The following WDR27 variants were observed in gnomAD, a reference collection of about 807,000 sequenced individuals.
The protein encoded by WDR27 is WD repeat domain 27, also known as WD repeat-containing protein 27.
Under a neutral mutation model 114.4 loss-of-function variants are expected in WDR27, and 100 were observed. The ratio of observed to expected loss-of-function variants is 0.87; its 90% CI spans 0.74 to 1.03. WDR27 has a LOEUF of 1.03. Among genes scored for constraint, WDR27 ranks in the 50% least tolerant of loss-of-function variants. The pLI, the probability that WDR27 is intolerant of heterozygous loss-of-function variation, is 0.00. For synonymous variants in WDR27, 449 were observed against 423.1 expected (o/e 1.06, Z -0.75); for missense variants, 1,129 against 1,092.9 (o/e 1.03, Z -0.47).
chr6:169,439,876 T>G, the WDR27 span, among the ~76,000 whole-genome samples: 1 of 146,830 alleles, frequency 6.8e-6, no homozygotes, highest in Non-Finnish European at 1.5e-5. Flanking sequence ...ATTATATTGG[T>G]AGTTATATTA....
chr6:169,446,585 T>C, the WDR27 span, among the ~76,000 whole-genome samples: 2 of 152,216 alleles, frequency 1.3e-5, no homozygotes, highest in African/African-American at 4.8e-5. Context: ...TTTTATGTTA[T>C]GTAATCGTGA....
At chr6:169,476,949 T>C (rs1269092594) in intron 25 of WDR27, among the ~76,000 whole-genome samples, 1 of 152,246 alleles carries the variant, frequency 6.6e-6, no homozygotes, top group East Asian at 1.9e-4. Flanking sequence ...ATCTCCAGTA[T>C]TGTGTCAAAA....
intron 25 of WDR27, among the ~76,000 whole-genome samples, chr6:169,486,232 C>T (rs759025472): frequency 6.6e-6 from 1 of 151,824 alleles, no homozygotes; most frequent in Non-Finnish European, 1.5e-5. Flanking sequence ...CTCATACATT[C>T]TTGGTGGGAA....
intron 19 of WDR27, among the ~76,000 whole-genome samples, chr6:169,635,092 G>A (rs1386269767): frequency 6.6e-6 from 1 of 152,116 alleles, no homozygotes; most frequent in Non-Finnish European, 1.5e-5. Context: ...TTTAGGCCAG[G>A]TGTGGTGGCT....
At chr6:169,667,297 C>G in intron 5 of WDR27, 110 bp from the exon 6 acceptor site, 1 of 1,259,136 alleles carries the variant, frequency 7.9e-7, no homozygotes, top group South Asian at 3.6e-5. Context: ...AAATGGTTAT[C>G]TAAAACAGAA....
At chr6:169,491,758 A>G (rs1432876462) in intron 25 of WDR27, among the ~76,000 whole-genome samples, 3 of 152,188 alleles carry the variant, frequency 2.0e-5, no homozygotes, top group Non-Finnish European at 4.4e-5. Flanking sequence ...TAAGCTCAAC[A>G]GCAGGTCCAA....
At chr6:169,586,442 T>TG (rs34016657) in intron 23 of WDR27, among the ~76,000 whole-genome samples, 73,772 of 151,878 alleles carry the variant, frequency 0.49, 21,594 homozygotes, top group Non-Finnish European at 0.67. Flanking sequence ...CCATGTGTAA[T>TG]GACCCTCTGA....
At chr6:169,514,023 G>A (rs1793292714) in intron 25 of WDR27, among the ~76,000 whole-genome samples, 1 of 152,082 alleles carries the variant, frequency 6.6e-6, no homozygotes, top group African/African-American at 2.4e-5. Flanking sequence ...ATAGCAGCTG[G>A]CAATCTACAT....
At chr6:169,470,635 AAG>A (rs1214675049) in intron 25 of WDR27, among the ~76,000 whole-genome samples, 1 of 152,152 alleles carries the variant, frequency 6.6e-6, no homozygotes, top group African/African-American at 2.4e-5. Flanking sequence ...CATGAGTGGG[AAG>A]AGAGGGAGAC....
chr6:169,448,920 C>T, the WDR27 span, among the ~76,000 whole-genome samples: 1 of 152,208 alleles, frequency 6.6e-6, no homozygotes, highest in Non-Finnish European at 1.5e-5. Flanking sequence ...AGAGTGCATG[C>T]AGCCTCTAAC....
At chr6:169,640,752 G>C (rs1818945106) in intron 17 of WDR27, among the ~76,000 whole-genome samples, 1 of 152,232 alleles carries the variant, frequency 6.6e-6, no homozygotes, top group Non-Finnish European at 1.5e-5. Flanking sequence ...ACTGACCTCA[G>C]AAGTCACTCC....
chr6:169,474,477 A>G (rs1786861162), intron 25 of WDR27, among the ~76,000 whole-genome samples: 1 of 152,222 alleles, frequency 6.6e-6, no homozygotes, highest in Admixed American at 6.5e-5. Context: ...ATAGAAATAC[A>G]AGTGAAGTCA....
intron 25 of WDR27, among the ~76,000 whole-genome samples, chr6:169,465,543 G>GTA (rs1390252088): frequency 6.6e-6 from 1 of 152,072 alleles, no homozygotes; most frequent in Non-Finnish European, 1.5e-5. Flanking sequence ...TCACCTCTGG[G>GTA]TATATATGCA....
intron 25 of WDR27, among the ~76,000 whole-genome samples, chr6:169,562,532 G>A (rs536869276): frequency 6.6e-6 from 1 of 152,032 alleles, no homozygotes; most frequent in East Asian, 1.9e-4. Flanking sequence ...GCTGTGTCAG[G>A]GGCTTCTGAG....
intron 25 of WDR27, among the ~76,000 whole-genome samples, chr6:169,483,754 G>A (rs1788514581): frequency 6.6e-6 from 1 of 151,522 alleles, no homozygotes; most frequent in Non-Finnish European, 1.5e-5. Flanking sequence ...TATCGTTGAT[G>A]AGCATTGATG....
At chr6:169,664,350 C>T in intron 7 of WDR27, 64 bp from the exon 8 acceptor site, 1 of 1,608,636 alleles carries the variant, frequency 6.2e-7, no homozygotes. Flanking sequence ...GAAGCAGCAA[C>T]ACCAGAGGTG....
chr6:169,511,965 T>A (rs991964227), intron 25 of WDR27, among the ~76,000 whole-genome samples: 3 of 152,166 alleles, frequency 2.0e-5, no homozygotes, highest in African/African-American at 7.2e-5. Flanking sequence ...CAGTAAGGAC[T>A]TTCATCCAAA....
intron 25 of WDR27, among the ~76,000 whole-genome samples, chr6:169,558,037 A>C (rs1799164029): frequency 6.6e-6 from 1 of 152,098 alleles, no homozygotes; most frequent in Non-Finnish European, 1.5e-5. Context: ...AAATCAGGTC[A>C]CTATATTTCC....
At chr6:169,664,837 G>A in intron 7 of WDR27, 1 of 992,518 alleles carries the variant, frequency 1.0e-6, no homozygotes, top group Non-Finnish European at 1.2e-6. Flanking sequence ...TGACAGGAAA[G>A]GGGAGCACAA....
Sources: allele counts gnomAD v4.1 joint callset (sites outside exome capture counted in the v4.1 genomes callset), GRCh38; gene constraint gnomAD v4.1.1; transcripts MANE v1.5; gene names NCBI Gene and HGNC (gene_info 2026-07-23, HGNC 2026-07-21).